GPHN: variants seen among roughly 807,000 people sequenced by gnomAD.
GPHN encodes the protein gephyrin.
A neutral mutation model predicts 95.5 loss-of-function variants in GPHN; 17 were observed. The ratio of observed to expected loss-of-function variants is 0.18; its 90% CI spans 0.12 to 0.27. GPHN has a LOEUF of 0.27. GPHN is among the 10% of genes least tolerant of loss of function. The pLI is 1.00. For synonymous variants in GPHN, 320 were observed against 322.5 expected, an observed-to-expected ratio of 0.99 and a Z score of 0.08; for missense variants, 660 against 978.1, an observed-to-expected ratio of 0.67 and a Z score of 4.34.
intron 5 of GPHN, among the ~76,000 whole-genome samples, chr14:66,910,950 TGGA>T (rs2065645137): frequency 6.6e-6 from 1 of 152,132 alleles, no homozygotes; most frequent in East Asian, 1.9e-4. Context: ...CATATCAGCA[TGGA>T]GGAGTTTCAC....
At chr14:67,047,336 G>GTT (rs2075077232) in intron 10 of GPHN, among the ~76,000 whole-genome samples, 1 of 102,618 alleles carries the variant, frequency 9.7e-6, no homozygotes, top group Non-Finnish European at 1.7e-5. Flanking sequence ...GTGTGTGTTT[G>GTT]TGTGTGTGTG....
intron 9 of GPHN, chr14:66,969,753 A>T (rs1034273087): frequency 2.6e-5 from 4 of 151,670 alleles, no homozygotes; most frequent in Admixed American, 2.6e-4. Flanking sequence ...GTGAAATGAG[A>T]TCAAGCCACT....
the GPHN span, among the ~76,000 whole-genome samples, chr14:67,389,823 T>A: frequency 6.6e-6 from 1 of 152,036 alleles, no homozygotes; most frequent in African/African-American, 2.4e-5. Flanking sequence ...TTTTCCTTGC[T>A]TCAAACAGGA....
At chr14:66,770,498 C>A (rs10145550) in intron 2 of GPHN, among the ~76,000 whole-genome samples, 45,046 of 151,980 alleles carry the variant, frequency 0.3, 10,762 homozygotes, top group African/African-American at 0.63. Context: ...TTAATGAAAC[C>A]TATAAACCAT....
the GPHN span, chr14:67,714,949 A>G: frequency 2.0e-5 from 3 of 152,392 alleles, no homozygotes; most frequent in South Asian, 4.1e-4. Flanking sequence ...GCCTATCAAC[A>G]GTGTTCTTGG....
At chr14:67,732,488 GAGAGAA>G in the GPHN span, among the ~76,000 whole-genome samples, 1 of 137,542 alleles carries the variant, frequency 7.3e-6, no homozygotes, top group Non-Finnish European at 1.5e-5. Flanking sequence ...TTTTATGTAA[GAGAGAA>G]AGAGAGAGAG....
chr14:67,080,955 G>A (rs925066791), intron 11 of GPHN, among the ~76,000 whole-genome samples: 1 of 152,086 alleles, frequency 6.6e-6, no homozygotes, highest in African/African-American at 2.4e-5. Context: ...TTTTTTGGCT[G>A]AATAGTAGTA....
the GPHN span, among the ~76,000 whole-genome samples, chr14:67,545,258 C>T: frequency 2.0e-5 from 3 of 152,174 alleles, no homozygotes; most frequent in African/African-American, 7.2e-5. Flanking sequence ...ATCTTATTCA[C>T]ATGGTTATAC....
chr14:67,270,047 A>G, the GPHN span: 7 of 152,184 alleles, frequency 4.6e-5, no homozygotes, highest in African/African-American at 7.2e-5. Flanking sequence ...CTCTGCCTAA[A>G]AATTAAGATA....
chr14:67,609,533 C>T, the GPHN span, among the ~76,000 whole-genome samples: 1 of 152,144 alleles, frequency 6.6e-6, no homozygotes, highest in African/African-American at 2.4e-5. Flanking sequence ...CCCTCTTCCC[C>T]TTCCTGAAGA....
intron 3 of GPHN, among the ~76,000 whole-genome samples, chr14:66,805,409 T>C (rs1208153600): frequency 6.6e-6 from 1 of 152,158 alleles, no homozygotes; most frequent in Non-Finnish European, 1.5e-5. Flanking sequence ...TACCCTCACA[T>C]TTCATACCCA....
chr14:66,674,510 A>G (rs1047321980), intron 1 of GPHN, among the ~76,000 whole-genome samples: 37 of 152,248 alleles, frequency 2.4e-4, no homozygotes, highest in Admixed American at 2.2e-3. Flanking sequence ...CTCTACGTCT[A>G]TGACCTCTTT....
At chr14:67,562,097 AC>A in the GPHN span, 9 of 1,600,630 alleles carry the variant, frequency 5.6e-6, no homozygotes, top group Non-Finnish European at 5.1e-6. Flanking sequence ...GGGCTGAGCT[AC>A]GGGAGCTCTC....
At chr14:66,595,259 A>G (rs888672322) in intron 1 of GPHN, among the ~76,000 whole-genome samples, 2 of 152,236 alleles carry the variant, frequency 1.3e-5, no homozygotes, top group African/African-American at 4.8e-5. Context: ...AAAAATAAGA[A>G]GTAGAACTAT....
intron 4 of GPHN, among the ~76,000 whole-genome samples, chr14:66,857,515 T>G (rs2153519317): frequency 6.6e-6 from 1 of 152,198 alleles, no homozygotes; most frequent in African/African-American, 2.4e-5. Flanking sequence ...CAATAGAACA[T>G]GTAAAGCATT....
intron 21 of GPHN, among the ~76,000 whole-genome samples, chr14:67,176,841 T>A (rs145568069): frequency 0.012 from 1,834 of 152,364 alleles, 19 homozygotes; most frequent in Non-Finnish European, 0.018. Flanking sequence ...CCATTTCTTC[T>A]ACATTTTCTA....
intron 8 of GPHN, among the ~76,000 whole-genome samples, 169 bp downstream of exon 8, chr14:66,924,461 T>C (rs2066376272): frequency 6.6e-6 from 1 of 152,060 alleles, no homozygotes; most frequent in Non-Finnish European, 1.5e-5. Flanking sequence ...TCAAGGAATT[T>C]AATAGAGTTT....
intron 21 of GPHN, among the ~76,000 whole-genome samples, chr14:67,177,043 A>AT (rs1262882952): frequency 2.0e-5 from 3 of 151,894 alleles, no homozygotes; most frequent in African/African-American, 7.3e-5. Context: ...GGATTCACTG[A>AT]TTTTTTTGAA....
intron 11 of GPHN, among the ~76,000 whole-genome samples, chr14:67,079,317 G>T (rs1316217882): frequency 1.3e-5 from 2 of 152,000 alleles, no homozygotes; most frequent in Non-Finnish European, 2.9e-5. Context: ...AAAGTATTCA[G>T]TGTTTTTAGT....
Sources: allele counts gnomAD v4.1 joint callset (sites outside exome capture counted in the v4.1 genomes callset), GRCh38; gene constraint gnomAD v4.1.1; transcripts MANE v1.5; gene names NCBI Gene and HGNC (gene_info 2026-07-23, HGNC 2026-07-21).